The following COL23A1 variants were observed in gnomAD, a reference collection of about 807,000 sequenced individuals.
The protein encoded by COL23A1 is collagen alpha-1(XXIII) chain.
Under a neutral mutation model 99.3 loss-of-function variants are expected in COL23A1, and 97 were observed. That is an observed-to-expected ratio of 0.98 (90% CI 0.83 to 1.16). The LOEUF (loss-of-function observed/expected upper bound fraction) is 1.16. Ranked by LOEUF, COL23A1 falls within the 50% of genes most tolerant of loss-of-function variation. The probability of loss-of-function intolerance (pLI) is 0.00; values close to 1 mark genes in which losing one functional copy is unlikely to be tolerated. For missense variants in COL23A1, 762 were observed against 757.4 expected, an observed-to-expected ratio of 1.01 and a Z score of -0.07; for synonymous variants, 320 against 308.2, an observed-to-expected ratio of 1.04 and a Z score of -0.40.
chr5:178,263,106 G>A, intron 9 of COL23A1, 102 bp downstream of exon 9: 1 of 855,408 alleles, frequency 1.2e-6, no homozygotes, highest in Non-Finnish European at 2.0e-6. Context: ...GGATAGTGTG[G>A]GGTCTGCACT....
intron 2 of COL23A1, among the ~76,000 whole-genome samples, chr5:178,416,644 A>G (rs11960640): frequency 0.33 from 50,201 of 152,096 alleles, 8,308 homozygotes; most frequent in Middle Eastern, 0.4. Context: ...ATCTCACTTA[A>G]TCGTTTCAAG....
chr5:178,585,746 C>CG (rs1281437181), intron 1 of COL23A1, among the ~76,000 whole-genome samples: 6 of 92,926 alleles, frequency 6.5e-5, no homozygotes, highest in South Asian at 3.4e-4. Context: ...CCCTGGCTGA[C>CG]CCTGTTGGTT....
At chr5:178,249,082 G>A (rs774303133) in intron 19 of COL23A1, 35 bp downstream of exon 19, 2 of 1,598,180 alleles carry the variant, frequency 1.3e-6, no homozygotes, top group Admixed American at 1.7e-5. Context: ...CTTCCACACA[G>A]GAGGCGTAAT....
In COL23A1 at chr5:178,572,697, G is replaced by T. The variant is rs555968080; in HGVS notation, c.295-11949C>A. 3.3e-5 allele frequency among the ~76,000 whole-genome samples: 5 copies of T among 152,266 alleles called. No homozygotes were observed. In the South Asian group the frequency reaches 1.0e-3, roughly 32 times the overall value. On this transcript the variant is annotated intron_variant, in intron 1 of 28. Transcript: ENST00000390654. ...GTATTTACATCCAAGAGAAATGAAA[G>T]AATAAATCCGTACAGGGACTGGCAC...
intron 2 of COL23A1, among the ~76,000 whole-genome samples, chr5:178,517,400 A>T (rs911082700): frequency 6.6e-6 from 1 of 152,026 alleles, no homozygotes; most frequent in East Asian, 1.9e-4. Context: ...GTGGAGGGAG[A>T]GGGCCCATGT....
intron 2 of COL23A1, among the ~76,000 whole-genome samples, chr5:178,356,481 G>C (rs1761660050): frequency 6.6e-6 from 1 of 152,234 alleles, no homozygotes; most frequent in Admixed American, 6.5e-5. Context: ...GAAGACACCA[G>C]GATCGACTGC....
At chr5:178,242,534 G>T in intron 25 of COL23A1, 140 bp from the exon 26 acceptor site, 1 of 792,076 alleles carries the variant, frequency 1.3e-6, no homozygotes, top group Non-Finnish European at 2.1e-6. Flanking sequence ...CCTAGCCCTA[G>T]CTGTAGGTGA....
rs948326567 is a variant in COL23A1 at position 178,434,936 on chromosome 5, C to T, written c.361+125746G>A. 6.6e-6 allele frequency among the ~76,000 whole-genome samples: 1 copy of T among 152,180 alleles called. No homozygotes were observed. The highest frequency in any genetic ancestry group is 1.5e-5 in the Non-Finnish European group (1 of 68,020). The stretch of plus-strand genomic sequence containing the variant: ...GGCAGCCCAGCCCCGACCCTGCCGC[C>T]GGTCAAGACTGTGTTTCCCAGGGGC... On this transcript the variant is annotated intron_variant, in intron 2 of 28. Coordinates refer to ENST00000390654, the MANE Select transcript of COL23A1 (RefSeq NM_173465.4). This position sits in a 1 kb window ranked among gnomAD's most constrained non-coding sequence, Gnocchi z 4.3.
At chr5:178,432,115 A>G (rs1039266817) in intron 2 of COL23A1, among the ~76,000 whole-genome samples, 1 of 152,200 alleles carries the variant, frequency 6.6e-6, no homozygotes, top group African/African-American at 2.4e-5. Context: ...ACGTCCCCTG[A>G]GTGTTTTAGG....
chr5:178,257,412 A>G (rs1765366534), intron 13 of COL23A1, 111 bp downstream of exon 13: 2 of 1,276,280 alleles, frequency 1.6e-6, no homozygotes, highest in Non-Finnish European at 2.2e-6. Flanking sequence ...TGCGCTGGGC[A>G]CTGGCCTAGG....
chr5:178,474,565 CG>C (rs1237428240), intron 2 of COL23A1, among the ~76,000 whole-genome samples: 3 of 152,106 alleles, frequency 2.0e-5, no homozygotes, highest in Non-Finnish European at 2.9e-5. Context: ...GTGAATTTGT[CG>C]TATTTCTTTC....
intron 2 of COL23A1, among the ~76,000 whole-genome samples, chr5:178,390,723 T>G (rs994192991): frequency 6.6e-6 from 1 of 152,244 alleles, no homozygotes; most frequent in Non-Finnish European, 1.5e-5. Flanking sequence ...CACAGCTAGA[T>G]ATCCACATGC....
intron 2 of COL23A1, among the ~76,000 whole-genome samples, chr5:178,446,512 A>G (rs2127850915): frequency 6.6e-6 from 1 of 152,258 alleles, no homozygotes; most frequent in Admixed American, 6.5e-5. Context: ...TTATACAACA[A>G]GCTTGTATTA....
chr5:178,400,928 G>A (rs549739354), intron 2 of COL23A1, among the ~76,000 whole-genome samples: 3 of 152,298 alleles, frequency 2.0e-5, no homozygotes, highest in East Asian at 3.9e-4. Context: ...ATGAGCCACC[G>A]TGCCCGGCTA....
rs181501056 is a variant in COL23A1 at position 178,412,575 on chromosome 5, T to C, written c.362-105656A>G. On this transcript the variant is annotated intron_variant, in intron 2 of 28. Coordinates refer to ENST00000390654, the MANE Select transcript of COL23A1 (RefSeq NM_173465.4). ...CCCTTCCTTAATTTTCCAGTCTTTA[T>C]TAATGTAATCTGGGATTACAGAGAT... 6.9e-3 allele frequency among the ~76,000 whole-genome samples: 1,054 copies of C among 152,366 alleles called. 4 individuals carry two copies. The highest frequency in any genetic ancestry group is 0.011 in the Non-Finnish European group (767 of 68,032).
chr5:178,547,289 G>C (rs990643860), intron 2 of COL23A1, among the ~76,000 whole-genome samples: 3 of 151,950 alleles, frequency 2.0e-5, no homozygotes, highest in African/African-American at 7.3e-5. Flanking sequence ...CCGAGCCCTG[G>C]CCCAAGTCAC....
chr5:178,288,583 G>C, intron 4 of COL23A1: 1 of 613,304 alleles, frequency 1.6e-6, no homozygotes, highest in Non-Finnish European at 3.0e-6. Context: ...TCGGGGCTCC[G>C]GGCACAGTCA....
Position 178,366,366 on chromosome 5 carries a change from T to TG in COL23A1, c.362-59448dup, listed in dbSNP as rs1762477726. 6.6e-6 allele frequency among the ~76,000 whole-genome samples: 1 copy of TG among 152,222 alleles called. No individual in the cohort carries two copies. Among genetic ancestry groups the TG allele is most frequent in the Non-Finnish European group, 1.5e-5 (1 of 68,030 alleles). Reference sequence around the variant, plus strand: ...CAGGTTAGCTTGACTCCAGGTGCCCTGCTGGTGTGGCTCCACCTGGTCGCT... The same window carrying TG: ...CAGGTTAGCTTGACTCCAGGTGCCCTGGCTGGTGTGGCTCCACCTGGTCGCT... On this transcript the variant is annotated intron_variant, in intron 2 of 28. Coordinates refer to ENST00000390654, the MANE Select transcript of COL23A1 (RefSeq NM_173465.4). The surrounding 1 kb of genome is among the most constrained non-coding windows in gnomAD (Gnocchi z 4.4).
At chr5:178,583,904 C>A (rs1336996410) in intron 1 of COL23A1, among the ~76,000 whole-genome samples, 1 of 152,240 alleles carries the variant, frequency 6.6e-6, no homozygotes, top group Non-Finnish European at 1.5e-5. Flanking sequence ...CAGTCTGTCA[C>A]CCAGGCTGGA....
Sources: allele counts gnomAD v4.1 joint callset (sites outside exome capture counted in the v4.1 genomes callset), GRCh38; gene constraint gnomAD v4.1.1; non-coding constraint Gnocchi (gnomAD v3.1); transcripts MANE v1.5; gene names NCBI Gene and HGNC (gene_info 2026-07-23, HGNC 2026-07-21).